Variants in CNTN1 observed in about 807,000 individuals in gnomAD.
CNTN1 encodes contactin 1, also known as contactin-1.
CNTN1 carries 38 observed loss-of-function variants against 126.4 expected under a neutral mutation model. The observed-to-expected ratio is 0.30, with a 90% confidence interval of 0.23 to 0.39. The LOEUF is 0.39. CNTN1 is among the 10% of genes least tolerant of loss of function. The probability of loss-of-function intolerance (pLI) is 1.00; values close to 1 mark genes in which losing one functional copy is unlikely to be tolerated. For missense variants in CNTN1, 1,009 were observed against 1,248.4 expected (o/e 0.81, Z 2.89); for synonymous variants, 413 against 422.6 (o/e 0.98, Z 0.28).
intron 1 of CNTN1, among the ~76,000 whole-genome samples, chr12:40,894,532 C>A (rs1944342491): frequency 6.6e-6 from 1 of 152,076 alleles, no homozygotes; most frequent in African/African-American, 2.4e-5. Context: ...TTCTTTAAGT[C>A]TAAAACTGTT....
rs191998954 is a variant in CNTN1, at chr12:40,696,560, A to G, written c.-77+3968A>G. Among the ~76,000 whole-genome samples the G allele has an allele frequency of 1.6e-3, 248 of 152,222 alleles. 1 individual carries two copies. The highest frequency in any genetic ancestry group is 5.4e-3 in the African/African-American group (225 of 41,540). On this transcript the variant is annotated intron_variant, in intron 1 of 23. Transcript: ENST00000551295. Reference sequence around the variant, plus strand: ...GCTTCTACTTTCCTTTGAAACTTTCACTGTACTTTAGTTCGTATCTTAAAA... The same window carrying G: ...GCTTCTACTTTCCTTTGAAACTTTCGCTGTACTTTAGTTCGTATCTTAAAA...
At chr12:40,713,617 A>G (rs1406724618) in intron 1 of CNTN1, among the ~76,000 whole-genome samples, 1 of 152,004 alleles carries the variant, frequency 6.6e-6, no homozygotes, top group Non-Finnish European at 1.5e-5. Flanking sequence ...AAAACATTTG[A>G]CTAATGAAAG....
intron 15 of CNTN1, chr12:40,971,821 C>A: frequency 8.7e-7 from 1 of 1,143,662 alleles, no homozygotes; most frequent in Non-Finnish European, 1.1e-6. Context: ...CAGAAATTAG[C>A]TCATTATCTG....
chr12:40,889,728 G>A (rs1944174742), intron 1 of CNTN1, among the ~76,000 whole-genome samples: 2 of 152,130 alleles, frequency 1.3e-5, no homozygotes, highest in Non-Finnish European at 2.9e-5. Context: ...CAGTGATCGT[G>A]GCAGTTTACC....
At chr12:41,030,410 A>G (rs1401057632) in intron 23 of CNTN1, among the ~76,000 whole-genome samples, 2 of 152,054 alleles carry the variant, frequency 1.3e-5, no homozygotes, top group Non-Finnish European at 2.9e-5. Flanking sequence ...TAGTTTAATC[A>G]TCAGCAATTT....
chr12:40,749,879 G>A (rs979447065), intron 1 of CNTN1, among the ~76,000 whole-genome samples: 1 of 151,988 alleles, frequency 6.6e-6, no homozygotes, highest in Non-Finnish European at 1.5e-5. Flanking sequence ...GGGTGTTAGG[G>A]ATGAGGTTTT....
chr12:40,722,669 T>C (rs1210029117), intron 1 of CNTN1, among the ~76,000 whole-genome samples: 1 of 152,096 alleles, frequency 6.6e-6, no homozygotes, highest in African/African-American at 2.4e-5. Flanking sequence ...ATATATAGTA[T>C]GGATTTTGTG....
intron 1 of CNTN1, among the ~76,000 whole-genome samples, chr12:40,698,802 A>T (rs894804218): frequency 6.6e-6 from 1 of 152,186 alleles, no homozygotes; most frequent in East Asian, 1.9e-4. Context: ...ATTAAATGGT[A>T]CGTGGTAACT....
intron 1 of CNTN1, among the ~76,000 whole-genome samples, chr12:40,809,339 T>C (rs1940966998): frequency 6.6e-6 from 1 of 152,176 alleles, no homozygotes; most frequent in South Asian, 2.1e-4. Context: ...CTCCACAAAA[T>C]GAATGTTTTA....
At chr12:40,815,025 C>G (rs1941212580) in intron 1 of CNTN1, among the ~76,000 whole-genome samples, 1 of 151,636 alleles carries the variant, frequency 6.6e-6, no homozygotes. Context: ...CCTTGTGACA[C>G]AGTGAAAGAG....
At chr12:40,703,075 A>G (rs546451594) in intron 1 of CNTN1, among the ~76,000 whole-genome samples, 14 of 152,286 alleles carry the variant, frequency 9.2e-5, no homozygotes, top group African/African-American at 2.2e-4. Context: ...ATTATATAGT[A>G]TAAATTACTA....
intron 15 of CNTN1, among the ~76,000 whole-genome samples, chr12:40,967,632 C>T (rs1314469424): frequency 6.6e-6 from 1 of 152,168 alleles, no homozygotes; most frequent in Non-Finnish European, 1.5e-5. Flanking sequence ...GTGATTCATA[C>T]ATCCATGCGT....
chr12:40,744,683 T>C (rs1030380930), intron 1 of CNTN1, among the ~76,000 whole-genome samples: 1 of 152,068 alleles, frequency 6.6e-6, no homozygotes, highest in African/African-American at 2.4e-5. Context: ...AAGACAGCTG[T>C]TAAAGGCATT....
rs890707921 is a variant in CNTN1, at chr12:40,993,126, C to T, written c.1970C>T (p.Pro657Leu). The T allele has an allele frequency of 1.2e-6, 2 of 1,612,854 alleles. No homozygotes were observed. The highest frequency in any genetic ancestry group is 1.7e-6 in the Non-Finnish European group (2 of 1,178,950). The change falls in exon 17 of 24, where the codon CCA becomes CTA. Residue 657 changes from proline to leucine, a missense_variant. Transcript: ENST00000551295. ...DDWKDAKTDP[P>L]IIEGNMEAAR... ...TACTATTTATTTTATTCAGATCCCC[C>T]AATTATTGAAGGAAATATGGAGGCA...
At chr12:41,044,410 A>G (rs974660154) in intron 23 of CNTN1, among the ~76,000 whole-genome samples, 3 of 152,108 alleles carry the variant, frequency 2.0e-5, no homozygotes, top group Non-Finnish European at 4.4e-5. Context: ...AAAATATATT[A>G]TTTGGCTCTA....
intron 1 of CNTN1, among the ~76,000 whole-genome samples, chr12:40,820,425 G>A (rs535929662): frequency 1.6e-4 from 25 of 152,352 alleles, no homozygotes; most frequent in Admixed American, 1.4e-3. Context: ...TGGAGTGGCA[G>A]TGAAGTCAGA....
At chr12:40,893,370 T>C (rs936118425) in intron 1 of CNTN1, among the ~76,000 whole-genome samples, 1 of 152,124 alleles carries the variant, frequency 6.6e-6, no homozygotes, top group African/African-American at 2.4e-5. Flanking sequence ...TCAAAATTAG[T>C]TAACAAAAAT....
At chr12:40,872,826 C>A (rs993032965) in intron 1 of CNTN1, among the ~76,000 whole-genome samples, 1 of 151,914 alleles carries the variant, frequency 6.6e-6, no homozygotes, top group Admixed American at 6.6e-5. Flanking sequence ...TCCCAAAATG[C>A]CGGGATTACA....
At chr12:40,763,565 T>G (rs1157109132) in intron 1 of CNTN1, among the ~76,000 whole-genome samples, 1 of 151,866 alleles carries the variant, frequency 6.6e-6, no homozygotes, top group African/African-American at 2.4e-5. Context: ...CTGTGGCTAG[T>G]GTACAGAGAA....
Sources: gnomAD v4.1 joint callset for allele counts (sites outside exome capture counted in the v4.1 genomes callset) on GRCh38, gnomAD v4.1.1 for gene constraint, MANE v1.5 for transcripts, NCBI Gene and HGNC (gene_info 2026-07-23, HGNC 2026-07-21) for gene names.